The following KRTAP10-9 variants were observed in gnomAD, a reference collection of about 807,000 sequenced individuals.
KRTAP10-9 encodes the protein keratin associated protein 10-9.
KRTAP10-9 carries 1 observed loss-of-function variant against 0.5 expected under a neutral mutation model. The ratio of observed to expected loss-of-function variants is 1.92; its 90% CI spans 0.68 to 9.09. The LOEUF (loss-of-function observed/expected upper bound fraction) is 9.09, where lower values mean the gene tolerates loss of function less well. Among genes scored for constraint, KRTAP10-9 ranks in the 30% most tolerant of loss-of-function variants. The pLI is 0.13. For missense variants in KRTAP10-9, 391 were observed against 376.4 expected (o/e 1.04, Z -0.32); for synonymous variants, 199 against 159.8 (o/e 1.25, Z -1.85).
chr21:44,627,926 C>CT (rs782604887), intron 1 of KRTAP10-9: 7 of 1,518,956 alleles, frequency 4.6e-6, no homozygotes, highest in Middle Eastern at 1.7e-4. Context: ...TCCTGCTGTG[C>CT]CCCCACCTCC....
rs1420837019 is a variant in KRTAP10-9, at chr21:44,628,007, C to G, written c.836C>G (p.Pro279Arg). ...CTCTGCCGCCCTGTGTGCTCCCGCC[C>G]GGCCTGCTACAGCTTCTCCTCAGGC... Reference protein sequence around the residue: ...SLLCRPVCSRPACYSFSSGQK... With the variant: ...SLLCRPVCSRRACYSFSSGQK... Residue 279 changes from proline (P) to arginine (R), a missense_variant, in exon 1 of 1, where the codon CCG (proline) becomes CGG (arginine). Coordinates refer to ENST00000397911, the MANE Select transcript of KRTAP10-9 (RefSeq NM_198690.3). 1 of 1,611,172 alleles carries G rather than the reference C, an allele frequency of 6.2e-7. No homozygotes were observed. Among genetic ancestry groups the G allele is most frequent in the Non-Finnish European group, 8.5e-7 (1 of 1,178,012 alleles).
rs1287397213 is a variant in KRTAP10-9, at chr21:44,627,754, C to A, written c.583C>A (p.Pro195Thr). The A allele has an allele frequency of 2.5e-6, 4 of 1,595,662 alleles. No individual in the cohort carries two copies. Among genetic ancestry groups the A allele is most frequent in the Non-Finnish European group, 3.4e-6 (4 of 1,168,040 alleles). ...CTGCTGTAAGCCTGTCTGCTGCAAA[C>A]CCATCTGCTGTGTGCCTGTCTGCTC... ...PVCCKPVCCK[P>T]ICCVPVCSGA... The change falls in exon 1 of 1, where the codon CCC becomes ACC. Residue 195 changes from proline to threonine, a missense_variant. Physicochemically the swap from Pro to Thr is conservative, Grantham distance 38 (BLOSUM62 -1). Coordinates refer to ENST00000397911, the MANE Select transcript of KRTAP10-9 (RefSeq NM_198690.3).
chr21:44,628,269 C>G lies in KRTAP10-9; in HGVS notation c.*219C>G, dbSNP rs1398127274. 3 of 430,760 alleles carry G rather than the reference C, an allele frequency of 7.0e-6. No homozygotes were observed. Among genetic ancestry groups the G allele is most frequent in the East Asian group, 3.3e-5 (1 of 30,290 alleles). 26.7% of individuals were successfully genotyped at this position (430,760 alleles called of 1,614,324 possible). ...CCTCACGGTGCTTCCTGGCTGCAGA[C>G]CACAACCCTCCGCTGGTCGCTGGTT... is the stretch of plus-strand genomic sequence containing the variant. On this transcript the variant is annotated 3_prime_UTR_variant, in exon 1 of 1. Coordinates refer to ENST00000397911, the MANE Select transcript of KRTAP10-9 (RefSeq NM_198690.3).
chr21:44,627,997 T>C lies in KRTAP10-9; in HGVS notation c.826T>C (p.Cys276Arg), dbSNP rs1555934939. Residue 276 changes from cysteine (C) to arginine (R), a missense_variant, in exon 1 of 1, where the codon TGC becomes CGC. Transcript: ENST00000397911. Reference sequence around the variant, plus strand: ...TGTGTCCCTTCTCTGCCGCCCTGTGTGCTCCCGCCCGGCCTGCTACAGCTT... The same window carrying C: ...TGTGTCCCTTCTCTGCCGCCCTGTGCGCTCCCGCCCGGCCTGCTACAGCTT... ...SCVSLLCRPVCSRPACYSFSS... is the reference protein window; with the variant it reads ...SCVSLLCRPVRSRPACYSFSS... 6.2e-6 allele frequency: 10 copies of C among 1,610,836 alleles called. No homozygotes were observed. The highest frequency in any genetic ancestry group is 1.6e-4 in the Middle Eastern group (1 of 6,070).
At position 44,627,248 on chromosome 21, in the gene KRTAP10-9, G is replaced by T. The variant is rs1982866441; in HGVS notation, c.77G>T (p.Cys26Phe). Residue 26 changes from cysteine (C) to phenylalanine (F), a missense_variant, in exon 1 of 1, where the codon TGC (cysteine) becomes TTC (phenylalanine). Transcript: ENST00000397911. ...SWQVDDCPES[C>F]CEPPCCATSC... The stretch of plus-strand genomic sequence containing the variant: ...CAGGTGGACGACTGCCCAGAGAGCT[G>T]CTGTGAGCCCCCCTGCTGCGCCACC... 2 of 1,612,716 alleles carry T rather than the reference G, an allele frequency of 1.2e-6. No individual in the cohort carries two copies. The highest frequency in any genetic ancestry group is 1.7e-6 in the Non-Finnish European group (2 of 1,179,984).
In KRTAP10-9 at chr21:44,627,515, G is replaced by C. The variant is rs372313452; in HGVS notation, c.344G>C (p.Cys115Ser). The C allele has an allele frequency of 6.5e-7, 1 of 1,532,658 alleles. No homozygotes were observed. The highest frequency in any genetic ancestry group is 8.8e-7 in the Non-Finnish European group (1 of 1,139,328). 94.9% of individuals were successfully genotyped at this position (1,532,658 alleles called of 1,614,324 possible). A position where few individuals can be genotyped will look rare whatever the true frequency, so the allele number is the denominator to read the frequency against. Reference sequence around the variant, plus strand: ...CCTGTGTGCTGCGTGCCCGTCTGCTGTGGGGCTTCTTCGTGCTGCCAACAG... The same window carrying C: ...CCTGTGTGCTGCGTGCCCGTCTGCTCTGGGGCTTCTTCGTGCTGCCAACAG... The part of the protein sequence containing the change: ...CKPVCCVPVC[C>S]GASSCCQQSS... The change falls in exon 1 of 1, where the codon TGT (cysteine) becomes TCT (serine). Residue 115 changes from cysteine to serine, a missense_variant. Cys to Ser is a moderately radical substitution (Grantham distance 112). Coordinates refer to ENST00000397911, the MANE Select transcript of KRTAP10-9 (RefSeq NM_198690.3).
Position 44,627,769 on chromosome 21 carries a change from C to A in KRTAP10-9, c.598C>A (p.Pro200Thr). The A allele has an allele frequency of 6.2e-7, 1 of 1,600,134 alleles. No individual in the cohort carries two copies. Among genetic ancestry groups the A allele is most frequent in the South Asian group, 1.1e-5 (1 of 89,856 alleles). Reference protein sequence around the residue: ...PVCCKPICCVPVCSGASSLCC... With the variant: ...PVCCKPICCVTVCSGASSLCC... ...CTGCTGCAAACCCATCTGCTGTGTG[C>A]CTGTCTGCTCTGGGGCTTCCTCTTT... The change falls in exon 1 of 1, where the codon CCT becomes ACT. Residue 200 changes from proline (P) to threonine (T), a missense_variant. Transcript: ENST00000397911.
rs1242880374 is a variant in KRTAP10-9, at chr21:44,627,755, C to T, written c.584C>T (p.Pro195Leu). ...PVCCKPVCCK[P>L]ICCVPVCSGA... ...TGCTGTAAGCCTGTCTGCTGCAAAC[C>T]CATCTGCTGTGTGCCTGTCTGCTCT... The change falls in exon 1 of 1, where the codon CCC becomes CTC. Residue 195 changes from proline (P) to leucine (L), a missense_variant. Transcript: ENST00000397911. The T allele has an allele frequency of 6.3e-6, 10 of 1,595,538 alleles. No homozygotes were observed. The highest frequency in any genetic ancestry group is 1.1e-5 in the South Asian group (1 of 89,422).
chr21:44,627,156 T>C lies in KRTAP10-9; in HGVS notation c.-16T>C. 6.2e-7 allele frequency: 1 copy of C among 1,606,740 alleles called. No homozygotes were observed. Among genetic ancestry groups the C allele is most frequent in the Non-Finnish European group, 8.5e-7 (1 of 1,176,650 alleles). On this transcript the variant is annotated 5_prime_UTR_variant, in exon 1 of 1. Coordinates refer to ENST00000397911, the MANE Select transcript of KRTAP10-9 (RefSeq NM_198690.3). ...TCACTTACACCTCCCCCAGCTCACC[T>C]CCTCCCCACCCCAGCATGGCCGCGT... is the stretch of plus-strand genomic sequence containing the variant.
In KRTAP10-9 at chr21:44,628,346, C is replaced by T. The variant is rs1396266365; in HGVS notation, c.*296C>T. The T allele has an allele frequency of 5.3e-6, 2 of 378,624 alleles. No individual in the cohort carries two copies. Among genetic ancestry groups the T allele is most frequent in the East Asian group, 7.7e-5 (2 of 25,922 alleles). The allele number at this position is 378,624 out of a possible 1,614,324, so 23.5% of individuals were successfully genotyped here. A position where few individuals can be genotyped will look rare whatever the true frequency, so the allele number is the denominator to read the frequency against. ...TCACCCCCAGCAGCGTCACCCTCTG[C>T]CCCTGAGCACCAATAAAGCGTCTGC... On this transcript the variant is annotated 3_prime_UTR_variant, in exon 1 of 1. Coordinates refer to ENST00000397911, the MANE Select transcript of KRTAP10-9 (RefSeq NM_198690.3).
Position 44,627,986 on chromosome 21 carries a change from G to A in KRTAP10-9, c.815G>A (p.Cys272Tyr), listed in dbSNP as rs1239265908. 6.2e-7 allele frequency: 1 copy of A among 1,610,976 alleles called. No homozygotes were observed. Among genetic ancestry groups the A allele is most frequent in the Non-Finnish European group, 8.5e-7 (1 of 1,177,964 alleles). ...CAGGCCTCCTGTGTGTCCCTTCTCT[G>A]CCGCCCTGTGTGCTCCCGCCCGGCC... The part of the protein sequence containing the change: ...CRQASCVSLL[C>Y]RPVCSRPACY... The change falls in exon 1 of 1, where the codon TGC becomes TAC. Residue 272 changes from cysteine (C) to tyrosine (Y), a missense_variant. Transcript: ENST00000397911.
At position 44,627,941 on chromosome 21, in the gene KRTAP10-9, G is replaced by A. The variant is rs782653080; in HGVS notation, c.770G>A (p.Arg257His). 1.4e-5 allele frequency: 21 copies of A among 1,518,448 alleles called. No homozygotes were observed. The highest frequency in any genetic ancestry group is 2.4e-5 in the East Asian group (1 of 41,440). The allele number at this position is 1,518,448 out of a possible 1,614,324, so 94.1% of individuals were successfully genotyped here. ...VSSCCAPTSS[R>H]QPSYCRQASC... The stretch of plus-strand genomic sequence containing the variant: ...TCCTGCTGTGCCCCCACCTCCTCCC[G>A]CCAGCCCAGCTATTGCCGCCAGGCC... The change falls in exon 1 of 1, where the codon CGC becomes CAC. Residue 257 changes from arginine (R) to histidine (H), a missense_variant. Coordinates refer to ENST00000397911, the MANE Select transcript of KRTAP10-9 (RefSeq NM_198690.3).
Position 44,627,135 on chromosome 21 carries a change from TTA to T in KRTAP10-9, c.-36_-35del, listed in dbSNP as rs782509888. ...CTCACTGACACACTCACACACTCAC[TTA>T]CACCTCCCCCAGCTCACCTCCTCCC... On this transcript the variant is annotated 5_prime_UTR_variant, in exon 1 of 1. Transcript: ENST00000397911. 1.3e-3 allele frequency: 2,036 copies of T among 1,587,938 alleles called. 14 individuals carry two copies. In the African/African-American group the frequency reaches 0.024, roughly 19 times the overall value.
Position 44,627,437 on chromosome 21 carries a change from A to G in KRTAP10-9, c.266A>G (p.Tyr89Cys), listed in dbSNP as rs62220927. 111,117 of 1,610,442 alleles carry G rather than the reference A, an allele frequency of 0.069. 7,927 individuals carry two copies. Among genetic ancestry groups the G allele is most frequent in the African/African-American group, 0.36 (26,874 of 74,264 alleles). ...CCQQSSCQPA[Y>C]CTSSPCQQAC... is the part of the protein sequence containing the mutation. ...CAGCAGTCTAGCTGCCAGCCGGCTT[A>G]CTGCACCTCCTCCCCCTGCCAGCAG... Residue 89 changes from tyrosine (Y) to cysteine (C), a missense_variant, in exon 1 of 1, where the codon TAC becomes TGC. Physicochemically the swap from Tyr to Cys is radical, Grantham distance 194. Transcript: ENST00000397911.
In KRTAP10-9 at chr21:44,627,115, T is replaced by A. The variant is rs587743943; in HGVS notation, c.-57T>A. ...CTCACACACTCACAAACTCACTCACTGACACACTCACACACTCACTTACAC... is the reference window on the plus strand; with the variant it reads ...CTCACACACTCACAAACTCACTCACAGACACACTCACACACTCACTTACAC... On this transcript the variant is annotated 5_prime_UTR_variant, in exon 1 of 1. Coordinates refer to ENST00000397911, the MANE Select transcript of KRTAP10-9 (RefSeq NM_198690.3). 5.0e-4 allele frequency: 798 copies of A among 1,581,540 alleles called. 4 individuals are homozygous for A. Among genetic ancestry groups the A allele is most frequent in the Middle Eastern group, 4.8e-3 (22 of 4,586 alleles).
Position 44,627,196 on chromosome 21 carries a change from C to T in KRTAP10-9, c.25C>T (p.Arg9Cys), listed in dbSNP as rs200370315. Residue 9 changes from arginine (R) to cysteine (C), a missense_variant, in exon 1 of 1, where the codon CGC becomes TGC. Coordinates refer to ENST00000397911, the MANE Select transcript of KRTAP10-9 (RefSeq NM_198690.3). ...CATGGCCGCGTCCACCATGTCCATC[C>T]GCTCCAGCGCTTACTCCGACTCCTG... The part of the protein sequence containing the change: MAASTMSI[R>C]SSAYSDSWQV... 1,584 of 1,612,010 alleles carry T rather than the reference C, an allele frequency of 9.8e-4. 10 individuals are homozygous for T. In the African/African-American group the frequency reaches 0.018, roughly 18 times the overall value.
Position 44,627,261 on chromosome 21 carries a change from C to T in KRTAP10-9, c.90C>T (p.Pro30=). 2 of 1,612,752 alleles carry T rather than the reference C, an allele frequency of 1.2e-6. No homozygotes were observed. Among genetic ancestry groups the T allele is most frequent in the Non-Finnish European group, 1.7e-6 (2 of 1,179,986 alleles). The change falls in exon 1 of 1, where the codon CCC becomes CCT. Residue 30 remains proline (P), a synonymous_variant. Transcript: ENST00000397911. ...DDCPESCCEP[P]CCATSCCAPA... is the part of the protein sequence containing the mutation. The stretch of plus-strand genomic sequence containing the variant: ...GCCCAGAGAGCTGCTGTGAGCCCCC[C>T]TGCTGCGCCACCAGCTGCTGCGCCC...
Position 44,628,213 on chromosome 21 carries a change from C to G in KRTAP10-9, c.*163C>G, listed in dbSNP as rs1983010712. The G allele has an allele frequency of 1.3e-6, 1 of 797,638 alleles. No individual in the cohort carries two copies. Among genetic ancestry groups the G allele is most frequent in the Non-Finnish European group, 1.9e-6 (1 of 540,248 alleles). The allele number at this position is 797,638 out of a possible 1,614,324, so 49.4% of individuals were successfully genotyped here. A position where few individuals can be genotyped will look rare whatever the true frequency, so the allele number is the denominator to read the frequency against. On this transcript the variant is annotated 3_prime_UTR_variant, in exon 1 of 1. Transcript: ENST00000397911. ...AGATGCTCACTGGCTCCTCCCTGAC[C>G]TCCCCCCCGGGCAGGCGAGCCCTGG... is the stretch of plus-strand genomic sequence containing the variant.
rs782493219 is a variant in KRTAP10-9 at position 44,627,586 on chromosome 21, G to T, written c.415G>T (p.Ala139Ser). Residue 139 changes from alanine (A) to serine (S), a missense_variant, in exon 1 of 1, where the codon GCC becomes TCC. Physicochemically the swap from Ala to Ser is moderately conservative, Grantham distance 99. Transcript: ENST00000397911. Reference protein sequence around the residue: ...ACCASSSCQPACCVPVCCKPV... With the variant: ...ACCASSSCQPSCCVPVCCKPV... ...CTGTGCCTCTTCCTCCTGCCAGCCG[G>T]CCTGCTGTGTGCCCGTCTGCTGCAA... 3 of 1,612,264 alleles carry T rather than the reference G, an allele frequency of 1.9e-6. No individual in the cohort carries two copies. Among genetic ancestry groups the T allele is most frequent in the Non-Finnish European group, 8.5e-7 (1 of 1,179,558 alleles).
Sources: allele counts gnomAD v4.1 joint callset, GRCh38; gene constraint gnomAD v4.1.1; transcripts MANE v1.5; gene names NCBI Gene and HGNC (gene_info 2026-07-23, HGNC 2026-07-21).